Variants in KDM4C observed in about 807,000 individuals in gnomAD.
KDM4C encodes the protein lysine-specific demethylase 4C.
Under a neutral mutation model 129.3 loss-of-function variants are expected in KDM4C, and 81 were observed. The observed-to-expected ratio is 0.63, with a 90% CI of 0.52 to 0.75. The LOEUF (loss-of-function observed/expected upper bound fraction) is 0.75, where lower values mean the gene tolerates loss of function less well. Among genes scored for constraint, KDM4C ranks in the 30% least tolerant of loss-of-function variants. KDM4C has a pLI of 0.00. For synonymous variants in KDM4C, 573 were observed against 456.1 expected, an observed-to-expected ratio of 1.26 and a Z score of -3.26; for missense variants, 1,457 against 1,304.0, an observed-to-expected ratio of 1.12 and a Z score of -1.81.
At chr9:6,779,442 T>A (rs756315356) in intron 1 of KDM4C, among the ~76,000 whole-genome samples, 3 of 152,202 alleles carry the variant, frequency 2.0e-5, no homozygotes, top group Non-Finnish European at 2.9e-5. Context: ...GAAGAAATAG[T>A]TCTGGCACGA....
intron 5 of KDM4C, among the ~76,000 whole-genome samples, chr9:6,852,019 T>C (rs906113294): frequency 1.7e-4 from 26 of 152,162 alleles, no homozygotes; most frequent in African/African-American, 5.6e-4. Context: ...TTGTTTATAA[T>C]GATAAAATAA....
At chr9:6,927,373 G>A (rs968090530) in intron 8 of KDM4C, among the ~76,000 whole-genome samples, 135 of 152,244 alleles carry the variant, frequency 8.9e-4, no homozygotes, top group African/African-American at 3.0e-3. Context: ...CAAGTCATCC[G>A]CCTGCCTTGG....
At chr9:7,071,336 A>G (rs1275896008) in intron 17 of KDM4C, among the ~76,000 whole-genome samples, 1 of 152,306 alleles carries the variant, frequency 6.6e-6, no homozygotes, top group East Asian at 1.9e-4. Context: ...GGGAAAGCCA[A>G]AATAATTTGG....
At chr9:7,111,794 G>A (rs1564132171) in intron 18 of KDM4C, among the ~76,000 whole-genome samples, 2 of 152,136 alleles carry the variant, frequency 1.3e-5, no homozygotes, top group Non-Finnish European at 2.9e-5. Context: ...TTCATAAAAA[G>A]TGAAACCCCG....
chr9:6,943,258 A>G (rs1170477055), intron 8 of KDM4C, among the ~76,000 whole-genome samples: 1 of 152,200 alleles, frequency 6.6e-6, no homozygotes, highest in Non-Finnish European at 1.5e-5. Flanking sequence ...ATTTCCTGTT[A>G]ACTACAAAAA....
intron 15 of KDM4C, among the ~76,000 whole-genome samples, chr9:7,043,978 G>T (rs891651785): frequency 2.6e-5 from 4 of 151,668 alleles, no homozygotes; most frequent in Admixed American, 2.6e-4. Flanking sequence ...TCATATTAAG[G>T]GTATACTCTC....
At chr9:6,956,898 GTC>G (rs1293607683) in intron 8 of KDM4C, among the ~76,000 whole-genome samples, 4 of 152,168 alleles carry the variant, frequency 2.6e-5, no homozygotes, top group African/African-American at 9.7e-5. Context: ...TTCTGGTAGT[GTC>G]TCTGGTACTG....
chr9:6,765,718 C>T (rs1293914830), intron 1 of KDM4C, among the ~76,000 whole-genome samples: 1 of 152,138 alleles, frequency 6.6e-6, no homozygotes, highest in Non-Finnish European at 1.5e-5. Flanking sequence ...CGTGACCCAA[C>T]ACACATAAAT....
At chr9:7,076,827 T>C in intron 17 of KDM4C, 1 of 1,011,130 alleles carries the variant, frequency 9.9e-7, no homozygotes, top group Non-Finnish European at 1.2e-6. Context: ...GCCTCAAAAA[T>C]TGTCATTGGA....
chr9:7,097,824 G>A (rs1168564943), intron 17 of KDM4C, among the ~76,000 whole-genome samples: 2 of 151,962 alleles, frequency 1.3e-5, no homozygotes, highest in Non-Finnish European at 1.5e-5. Flanking sequence ...TTTTTCATCT[G>A]CCTTTGCATT....
At chr9:6,819,727 T>A (rs561103494) in intron 4 of KDM4C, among the ~76,000 whole-genome samples, 3 of 152,274 alleles carry the variant, frequency 2.0e-5, no homozygotes, top group African/African-American at 7.2e-5. Flanking sequence ...TTAAAGGGCA[T>A]GATGTAGAGT....
chr9:7,167,410 C>T (rs7861342), intron 20 of KDM4C, among the ~76,000 whole-genome samples: 3 of 152,116 alleles, frequency 2.0e-5, no homozygotes, highest in Non-Finnish European at 1.5e-5. Flanking sequence ...TTTGTCTTTT[C>T]GATGTTTTAA....
At chr9:7,118,547 T>C (rs1839164255) in intron 18 of KDM4C, among the ~76,000 whole-genome samples, 1 of 152,224 alleles carries the variant, frequency 6.6e-6, no homozygotes, top group African/African-American at 2.4e-5. Context: ...GAAATTTTTA[T>C]CAGATGGATA....
intron 12 of KDM4C, among the ~76,000 whole-genome samples, chr9:6,993,745 A>T (rs1819183317): frequency 6.6e-6 from 1 of 152,164 alleles, no homozygotes; most frequent in African/African-American, 2.4e-5. Flanking sequence ...CAGCTTAGAA[A>T]TCTGCGGCAG....
Position 7,174,693 on chromosome 9 carries a change from G to A in KDM4C, c.3135G>A (p.Lys1045=). The A allele has an allele frequency of 6.2e-7, 1 of 1,614,142 alleles. No homozygotes were observed. Among genetic ancestry groups the A allele is most frequent in the Non-Finnish European group, 8.5e-7 (1 of 1,180,008 alleles). ...ACCCTGTATACCGCACTTTTTTGAAGAGCTCTTTCCAGAAGAAGTGCCAGA... is the reference window on the plus strand; with the variant it reads ...ACCCTGTATACCGCACTTTTTTGAAAAGCTCTTTCCAGAAGAAGTGCCAGA... The part of the protein sequence containing the change: ...VADPVYRTFL[K]SSFQKKCQKR... Residue 1045 remains lysine (K), a synonymous_variant, in exon 22 of 22, where the codon AAG becomes AAA. Coordinates refer to ENST00000381309, the MANE Select transcript of KDM4C (RefSeq NM_015061.6).
chr9:6,845,584 A>G (rs1228918357), intron 4 of KDM4C, among the ~76,000 whole-genome samples: 1 of 152,166 alleles, frequency 6.6e-6, no homozygotes, highest in Admixed American at 6.5e-5. Flanking sequence ...GAAAGGGAAT[A>G]TCCCTAATAA....
intron 2 of KDM4C, among the ~76,000 whole-genome samples, chr9:6,795,318 A>G (rs935556874): frequency 1.3e-5 from 2 of 151,946 alleles, no homozygotes; most frequent in Admixed American, 6.6e-5. Flanking sequence ...TAGGTTGTAT[A>G]TATATATATT....
intron 12 of KDM4C, among the ~76,000 whole-genome samples, chr9:6,991,182 G>A (rs1349752151): frequency 6.6e-6 from 1 of 151,962 alleles, no homozygotes; most frequent in Non-Finnish European, 1.5e-5. Flanking sequence ...AGGCCTAAGT[G>A]ATCCTCCTAC....
chr9:6,832,938 G>T (rs1835172380), intron 4 of KDM4C, among the ~76,000 whole-genome samples: 1 of 149,458 alleles, frequency 6.7e-6, no homozygotes, highest in Non-Finnish European at 1.5e-5. Context: ...GTTTCACCAT[G>T]TTGGCCAGGC....
Sources: gnomAD v4.1 joint callset for allele counts (sites outside exome capture counted in the v4.1 genomes callset) on GRCh38, gnomAD v4.1.1 for gene constraint, MANE v1.5 for transcripts, NCBI Gene and HGNC (gene_info 2026-07-23, HGNC 2026-07-21) for gene names.